Variants in KLHL14 observed in about 807,000 individuals in gnomAD.
The protein encoded by KLHL14 is kelch like family member 14, also known as kelch-like protein 14.
In KLHL14, 22 loss-of-function variants were observed where a neutral mutation model predicts 64.3. The ratio of observed to expected loss-of-function variants is 0.34; its 90% CI spans 0.24 to 0.49. The LOEUF (loss-of-function observed/expected upper bound fraction) is 0.49. Ranked by LOEUF, KLHL14 falls within the 20% of genes least tolerant of loss-of-function variation. The pLI is 0.99. For synonymous variants in KLHL14, 322 were observed against 333.4 expected (o/e 0.97, Z 0.37); for missense variants, 661 against 789.0 (o/e 0.84, Z 1.94).
At chr18:32,759,547 T>C (rs1048169799) in intron 2 of KLHL14, among the ~76,000 whole-genome samples, 2 of 152,220 alleles carry the variant, frequency 1.3e-5, no homozygotes, top group Non-Finnish European at 2.9e-5. Flanking sequence ...GTACATTTTA[T>C]GGGTAAGGCG....
chr18:32,766,579 T>A (rs1171035743), intron 2 of KLHL14, among the ~76,000 whole-genome samples: 1 of 152,108 alleles, frequency 6.6e-6, no homozygotes, highest in Non-Finnish European at 1.5e-5. Flanking sequence ...GTGCAATAGA[T>A]CACTAAAACT....
chr18:32,722,361 GCAA>G (rs950747093), intron 3 of KLHL14, among the ~76,000 whole-genome samples: 12 of 152,210 alleles, frequency 7.9e-5, no homozygotes, highest in African/African-American at 2.6e-4. Flanking sequence ...TATGCTGTGA[GCAA>G]CAACAACCAA....
intron 3 of KLHL14, among the ~76,000 whole-genome samples, chr18:32,725,097 C>G (rs1242859952): frequency 6.6e-6 from 1 of 152,022 alleles, no homozygotes; most frequent in African/African-American, 2.4e-5. Context: ...TCAGAGCTCA[C>G]TGTAGCCTCA....
intron 3 of KLHL14, among the ~76,000 whole-genome samples, chr18:32,735,208 T>C (rs759732926): frequency 2.0e-5 from 3 of 152,140 alleles, no homozygotes; most frequent in Non-Finnish European, 4.4e-5. Flanking sequence ...TTCATCTGCT[T>C]GGACTTTTTG....
intron 2 of KLHL14, among the ~76,000 whole-genome samples, chr18:32,754,563 C>T (rs2050272213): frequency 6.6e-6 from 1 of 152,174 alleles, no homozygotes; most frequent in African/African-American, 2.4e-5. Context: ...GGAGTTCAGC[C>T]ATTCAAGATG....
intron 3 of KLHL14, among the ~76,000 whole-genome samples, chr18:32,717,403 G>T (rs149509026): frequency 6.6e-6 from 1 of 152,118 alleles, no homozygotes; most frequent in Non-Finnish European, 1.5e-5. Flanking sequence ...TGATTCGTAC[G>T]AAATGCCTCA....
chr18:32,692,087 A>G (rs1440103474), intron 4 of KLHL14, among the ~76,000 whole-genome samples: 1 of 152,260 alleles, frequency 6.6e-6, no homozygotes, highest in East Asian at 1.9e-4. Flanking sequence ...ATGATCATGC[A>G]TTCCTATCAC....
At chr18:32,771,321 A>G (rs1280022296) in intron 1 of KLHL14, among the ~76,000 whole-genome samples, 2 of 152,098 alleles carry the variant, frequency 1.3e-5, no homozygotes, top group Admixed American at 1.3e-4. Flanking sequence ...AGTGCAGCGG[A>G]GCGCGGTGAG....
At chr18:32,752,778 CTTTTTTTTT>C (rs61338140) in intron 2 of KLHL14, among the ~76,000 whole-genome samples, 1 of 95,442 alleles carries the variant, frequency 1.0e-5, no homozygotes. Context: ...AATGTGGGAA[CTTTTTTTTT>C]TTTTTTTTTT....
chr18:32,770,477 C>T lies in KLHL14; in HGVS notation c.115G>A (p.Ala39Thr), dbSNP rs757438029. The change falls in exon 2 of 9, where the codon GCC (alanine) becomes ACC (threonine). Residue 39 changes from alanine (A) to threonine (T), a missense_variant. Physicochemically the swap from Ala to Thr is moderately conservative, Grantham distance 58. Transcript: ENST00000359358. The surrounding 1 kb of genome is among the most constrained non-coding windows in gnomAD (Gnocchi z 6.7). ...KQLFCDVTLT[A>T]QGQQFHCHKA... ...TGGCAATGGAACTGCTGGCCCTGGG[C>T]CGTCAGGGTCACGTCGCAAAACAGC... is the stretch of plus-strand genomic sequence containing the variant. 3 of 1,612,366 alleles carry T rather than the reference C, an allele frequency of 1.9e-6. No homozygotes were observed. The highest frequency in any genetic ancestry group is 1.7e-6 in the Non-Finnish European group (2 of 1,179,870).
intron 3 of KLHL14, among the ~76,000 whole-genome samples, chr18:32,707,636 A>T (rs541174778): frequency 2.0e-5 from 3 of 152,132 alleles, no homozygotes; most frequent in African/African-American, 7.2e-5. Context: ...GCCCCCAATA[A>T]AACCCCTGGG....
chr18:32,694,051 A>C (rs1475800245), intron 4 of KLHL14, among the ~76,000 whole-genome samples: 1 of 152,194 alleles, frequency 6.6e-6, no homozygotes, highest in East Asian at 1.9e-4. Context: ...GATCTGACTT[A>C]AGACCTTAAG....
At position 32,703,949 on chromosome 18, in the gene KLHL14, A is replaced by G. The variant is rs2049978069; in HGVS notation, c.1070-8397T>C. ...TGTTGTGTATTTCAGAGACATGTCA[A>G]TGAAACACTCTAGAGCTTTGATGAC... On this transcript the variant is annotated intron_variant, in intron 3 of 8. Coordinates refer to ENST00000359358, the MANE Select transcript of KLHL14 (RefSeq NM_020805.3). 2.0e-5 allele frequency among the ~76,000 whole-genome samples: 3 copies of G among 152,226 alleles called. No individual in the cohort carries two copies. In the South Asian group the frequency reaches 6.2e-4, roughly 32 times the overall value.
At chr18:32,751,641 A>G (rs1171589450) in intron 2 of KLHL14, among the ~76,000 whole-genome samples, 2 of 152,162 alleles carry the variant, frequency 1.3e-5, no homozygotes, top group Non-Finnish European at 2.9e-5. Context: ...TGGTGACTGA[A>G]GAACGGTCAG....
intron 3 of KLHL14, among the ~76,000 whole-genome samples, chr18:32,707,980 G>A (rs1385449913): frequency 6.6e-6 from 1 of 152,110 alleles, no homozygotes. Flanking sequence ...TGATTTAATG[G>A]TCCAAAGTGG....
intron 3 of KLHL14, among the ~76,000 whole-genome samples, chr18:32,716,110 GAAAC>G (rs1346825861): frequency 6.6e-6 from 1 of 152,058 alleles, no homozygotes; most frequent in Non-Finnish European, 1.5e-5. Context: ...TATTAACTGA[GAAAC>G]AAGATTTCTT....
chr18:32,686,177 ATTTTTTTTTT>A (rs148393455), intron 5 of KLHL14, among the ~76,000 whole-genome samples: 3 of 107,674 alleles, frequency 2.8e-5, no homozygotes, highest in Admixed American at 1.1e-4. Flanking sequence ...GTGCCCGGCT[ATTTTTTTTTT>A]TTTTTTTTTT....
chr18:32,727,162 C>G (rs1234200672), intron 3 of KLHL14, among the ~76,000 whole-genome samples: 1 of 152,198 alleles, frequency 6.6e-6, no homozygotes, highest in Non-Finnish European at 1.5e-5. Flanking sequence ...GGAACAAAAG[C>G]TGCTTCTTAA....
At chr18:32,716,494 A>G (rs1193604726) in intron 3 of KLHL14, among the ~76,000 whole-genome samples, 1 of 151,730 alleles carries the variant, frequency 6.6e-6, no homozygotes, top group East Asian at 1.9e-4. Context: ...GGCTCACTGC[A>G]ACCTCTGCCA....
Sources: allele counts gnomAD v4.1 joint callset (sites outside exome capture counted in the v4.1 genomes callset), GRCh38; gene constraint gnomAD v4.1.1; non-coding constraint Gnocchi (gnomAD v3.1); transcripts MANE v1.5; gene names NCBI Gene and HGNC (gene_info 2026-07-23, HGNC 2026-07-21).